ABCA13: variants seen among roughly 807,000 people sequenced by gnomAD.
ABCA13 encodes the protein ATP binding cassette subfamily A member 13, also known as ATP-binding cassette sub-family A member 13.
In ABCA13, 476 loss-of-function variants were observed where a neutral mutation model predicts 478.7. The ratio of observed to expected loss-of-function variants is 0.99; its 90% CI spans 0.92 to 1.07. The LOEUF (loss-of-function observed/expected upper bound fraction) is 1.07, where lower values mean the gene tolerates loss of function less well. Among genes scored for constraint, ABCA13 ranks in the 50% least tolerant of loss-of-function variants. The pLI is 0.00. For synonymous variants in ABCA13, 2,252 were observed against 2,158.9 expected, an observed-to-expected ratio of 1.04 and a Z score of -1.20; for missense variants, 6,060 against 5,910.6, an observed-to-expected ratio of 1.03 and a Z score of -0.83.
At chr7:48,404,843 A>G (rs977871940) in intron 39 of ABCA13, among the ~76,000 whole-genome samples, 9 of 152,196 alleles carry the variant, frequency 5.9e-5, no homozygotes, top group Non-Finnish European at 1.3e-4. Flanking sequence ...TAGAAGATCA[A>G]TCTGTTTCTT....
chr7:48,520,070 G>A lies in ABCA13; in HGVS notation c.13827G>A (p.Lys4609=), dbSNP rs62447309. The A allele has an allele frequency of 0.049, 79,421 of 1,612,576 alleles. 2,976 individuals carry two copies. The highest frequency in any genetic ancestry group is 0.18 in the African/African-American group (13,175 of 74,918). ...KNLQNIYDVL[K]WVFTIFPQFC... is the part of the protein sequence containing the mutation. ...TACAGAATATCTATGATGTCCTCAA[G>A]TGGGTCTTTACTATTTTTCCTCAAT... is the stretch of plus-strand genomic sequence containing the variant. The change falls in exon 53 of 62, where the codon AAG becomes AAA. Residue 4609 remains lysine, a synonymous_variant. Coordinates refer to ENST00000435803, the MANE Select transcript of ABCA13 (RefSeq NM_152701.5).
chr7:48,544,202 C>T (rs1451799048), intron 55 of ABCA13, among the ~76,000 whole-genome samples: 1 of 151,556 alleles, frequency 6.6e-6, no homozygotes, highest in Admixed American at 6.6e-5. Flanking sequence ...AGGGAAATTT[C>T]CAGGTGCCAT....
chr7:48,423,020 G>C (rs1036286417), intron 41 of ABCA13, among the ~76,000 whole-genome samples: 1 of 152,188 alleles, frequency 6.6e-6, no homozygotes, highest in Admixed American at 6.5e-5. Context: ...CCCCAGAACT[G>C]TAAGATACTA....
At chr7:48,256,316 C>T (rs879037791) in intron 15 of ABCA13, among the ~76,000 whole-genome samples, 1 of 152,000 alleles carries the variant, frequency 6.6e-6, no homozygotes, top group Non-Finnish European at 1.5e-5. Flanking sequence ...TCCTATTTGT[C>T]GATTTTTTGT....
At chr7:48,502,598 G>T (rs999973559) in intron 48 of ABCA13, among the ~76,000 whole-genome samples, 2 of 152,150 alleles carry the variant, frequency 1.3e-5, no homozygotes, top group East Asian at 3.9e-4. Flanking sequence ...AACCAGACAC[G>T]TGTGCTGAAG....
chr7:48,318,091 A>G (rs774233729), intron 27 of ABCA13, among the ~76,000 whole-genome samples: 4 of 152,168 alleles, frequency 2.6e-5, no homozygotes, highest in African/African-American at 7.2e-5. Context: ...ATAAGCTTCC[A>G]AGCCTCAAAT....
intron 19 of ABCA13, among the ~76,000 whole-genome samples, chr7:48,285,542 T>G (rs1179183679): frequency 6.6e-6 from 1 of 152,242 alleles, no homozygotes; most frequent in Non-Finnish European, 1.5e-5. Context: ...AGCCCAGCAC[T>G]GCATCCCATG....
chr7:48,645,033 C>T (rs1795349254), intron 61 of ABCA13, among the ~76,000 whole-genome samples: 1 of 152,100 alleles, frequency 6.6e-6, no homozygotes, highest in Admixed American at 6.5e-5. Flanking sequence ...CTATCTCCAC[C>T]TTACTCAGCC....
intron 43 of ABCA13, 130 bp from the exon 44 acceptor site, chr7:48,466,826 A>G: frequency 1.2e-6 from 1 of 829,708 alleles, no homozygotes; most frequent in Non-Finnish European, 2.0e-6. Context: ...GCTGTATCTC[A>G]CTTACTAGGA....
At chr7:48,187,629 T>G (rs1441517958) in intron 1 of ABCA13, among the ~76,000 whole-genome samples, 1 of 152,102 alleles carries the variant, frequency 6.6e-6, no homozygotes, top group East Asian at 1.9e-4. Flanking sequence ...AAGCTGTTTC[T>G]TATTCCAAAA....
intron 58 of ABCA13, among the ~76,000 whole-genome samples, chr7:48,608,795 A>T (rs1466163290): frequency 1.3e-5 from 2 of 152,240 alleles, no homozygotes; most frequent in East Asian, 3.9e-4. Flanking sequence ...GTCAGCTAAA[A>T]GTGCTTCTTA....
At chr7:48,276,917 CTG>C (rs1796381745) in intron 17 of ABCA13, among the ~76,000 whole-genome samples, 1 of 152,192 alleles carries the variant, frequency 6.6e-6, no homozygotes, top group Admixed American at 6.5e-5. Context: ...GCTATACTAA[CTG>C]TCTAATCACC....
intron 60 of ABCA13, among the ~76,000 whole-genome samples, chr7:48,644,128 T>C (rs1192117714): frequency 4.6e-5 from 7 of 152,348 alleles, no homozygotes; most frequent in Admixed American, 2.6e-4. Context: ...TCATTCATGC[T>C]CAATTATGAC....
chr7:48,199,714 A>G (rs1798406394), intron 3 of ABCA13, among the ~76,000 whole-genome samples: 1 of 152,176 alleles, frequency 6.6e-6, no homozygotes, highest in African/African-American at 2.4e-5. Flanking sequence ...ATGTGTGGAG[A>G]AGGGAAATAT....
intron 40 of ABCA13, among the ~76,000 whole-genome samples, chr7:48,411,039 CTTT>C (rs1563208696): frequency 1.7e-3 from 171 of 98,528 alleles, no homozygotes; most frequent in Admixed American, 2.2e-3. Flanking sequence ...TTCTTTCTTT[CTTT>C]CTTTCTTTTT....
intron 43 of ABCA13, among the ~76,000 whole-genome samples, chr7:48,461,338 A>G (rs1266532999): frequency 6.6e-6 from 1 of 152,184 alleles, no homozygotes; most frequent in Non-Finnish European, 1.5e-5. Flanking sequence ...AGGTCATAGA[A>G]CATCCAAACT....
chr7:48,506,218 G>A (rs969969850), intron 48 of ABCA13, 118 bp from the exon 49 acceptor site: 4 of 1,112,182 alleles, frequency 3.6e-6, no homozygotes, highest in Non-Finnish European at 5.3e-6. Flanking sequence ...ACCAGGGCCT[G>A]GGCAAAGCAA....
intron 8 of ABCA13, among the ~76,000 whole-genome samples, chr7:48,238,072 G>A (rs1209664356): frequency 6.6e-6 from 1 of 152,190 alleles, no homozygotes; most frequent in Non-Finnish European, 1.5e-5. Flanking sequence ...TCTGACTATT[G>A]TCATTGTTTA....
chr7:48,259,602 C>T (rs1274114897), intron 15 of ABCA13, among the ~76,000 whole-genome samples: 2 of 152,076 alleles, frequency 1.3e-5, no homozygotes, highest in Non-Finnish European at 1.5e-5. Context: ...AGCCTGTTTA[C>T]ATTCAAGGTT....
Sources: gnomAD v4.1 joint callset for allele counts (sites outside exome capture counted in the v4.1 genomes callset) on GRCh38, gnomAD v4.1.1 for gene constraint, MANE v1.5 for transcripts, NCBI Gene and HGNC (gene_info 2026-07-23, HGNC 2026-07-21) for gene names.